GBF1: variants seen among roughly 807,000 people sequenced by gnomAD.
The protein encoded by GBF1 is golgi brefeldin A resistant guanine nucleotide exchange factor 1.
In GBF1, 114 loss-of-function variants were observed where a neutral mutation model predicts 210.5. That is an observed-to-expected ratio of 0.54 (90% CI 0.47 to 0.63). The LOEUF is 0.63. Among genes scored for constraint, GBF1 ranks in the 30% least tolerant of loss-of-function variants. The pLI is 0.00. For missense variants in GBF1, 1,851 were observed against 2,357.7 expected, an observed-to-expected ratio of 0.79 and a Z score of 4.45; for synonymous variants, 850 against 889.2, an observed-to-expected ratio of 0.96 and a Z score of 0.78.
At position 102,380,120 on chromosome 10, in the gene GBF1, A is replaced by G. The variant is rs993236400; in HGVS notation, c.4879-129A>G. On this transcript the variant is annotated intron_variant, in intron 36 of 39. Transcript: ENST00000369983. ...GGACCTGAGAGGATTCTGAATCTTA[A>G]ATCAGAGATTCCTCCATCTCTGATC... 54 of 770,966 alleles carry G rather than the reference A, an allele frequency of 7.0e-5. No individual in the cohort carries two copies. In the African/African-American group the frequency reaches 8.8e-4, roughly 13 times the overall value. 47.8% of individuals were successfully genotyped at this position (770,966 alleles called of 1,614,324 possible).
Position 102,293,764 on chromosome 10 carries a change from G to GTTTTTTTTTTTTTTTTTTTTTTTTTTTTT in GBF1, c.163+33652_163+33653insTTTTTTTTTTTTTTTTTTTTTTTTTTTTT, listed in dbSNP as rs1263151407. On this transcript the variant is annotated intron_variant, in intron 3 of 39. Coordinates refer to ENST00000369983, the MANE Select transcript of GBF1 (RefSeq NM_001377137.1). ...AAAATATTTTGTACAGCTGTAGTAT[G>GTTTTTTTTTTTTTTTTTTTTTTTTTTTTT]TTTTGTGTTTTTTTTTTTTTTTTTT... Among the ~76,000 whole-genome samples, 31 of 50,898 alleles carry GTTTTTTTTTTTTTTTTTTTTTTTTTTTTT rather than the reference G, an allele frequency of 6.1e-4. 13 individuals are homozygous for GTTTTTTTTTTTTTTTTTTTTTTTTTTTTT. The highest frequency in any genetic ancestry group is 2.0e-3 in the South Asian group (2 of 1,020). The allele number at this position is 50,898 out of a possible 152,430, so 33.4% of individuals were successfully genotyped here. A position where few individuals can be genotyped will look rare whatever the true frequency, so the allele number is the denominator to read the frequency against.
At chr10:102,341,126 G>A (rs1014496521) in intron 3 of GBF1, among the ~76,000 whole-genome samples, 2 of 152,150 alleles carry the variant, frequency 1.3e-5, no homozygotes, top group African/African-American at 4.8e-5. Context: ...AAACAATTTA[G>A]TTTAATAATG....
intron 3 of GBF1, among the ~76,000 whole-genome samples, chr10:102,342,038 CTTTTTT>C (rs762320060): frequency 1.2e-4 from 17 of 139,232 alleles, no homozygotes; most frequent in Non-Finnish European, 2.3e-4. Context: ...TTTTTATGTA[CTTTTTT>C]TTTTTTTTTT....
Position 102,344,070 on chromosome 10 carries a change from C to A in GBF1, c.183C>A (p.Pro61=), listed in dbSNP as rs1318256800. 1.2e-6 allele frequency: 2 copies of A among 1,612,236 alleles called. No individual in the cohort carries two copies. Among genetic ancestry groups the A allele is most frequent in the African/African-American group, 2.7e-5 (2 of 74,886 alleles). The change falls in exon 4 of 40, where the codon CCC becomes CCA. Residue 61 remains proline (P), a synonymous_variant. Coordinates refer to ENST00000369983, the MANE Select transcript of GBF1 (RefSeq NM_001377137.1). ...TTGCAGAACTCTCAGAAATTGAGCCCAATGTATTCCTTCGACCTTTTCTGG... is the reference window on the plus strand; with the variant it reads ...TTGCAGAACTCTCAGAAATTGAGCCAAATGTATTCCTTCGACCTTTTCTGG... ...NSITELSEIE[P]NVFLRPFLEV... is the part of the protein sequence containing the mutation.
rs760922974 is a variant in GBF1 at position 102,382,374 on chromosome 10, C to G, written c.*38C>G. 1 of 1,538,878 alleles carries G rather than the reference C, an allele frequency of 6.5e-7. No individual in the cohort carries two copies. Among genetic ancestry groups the G allele is most frequent in the Middle Eastern group, 1.7e-4 (1 of 5,772 alleles). On this transcript the variant is annotated 3_prime_UTR_variant, in exon 40 of 40. Transcript: ENST00000369983. ...AGAGATCAGGACCAGTGCTTCCCAC[C>G]AGGCTTTCCTTGACCCCACTTCTGG... is the stretch of plus-strand genomic sequence containing the variant.
the GBF1 span, among the ~76,000 whole-genome samples, chr10:102,235,297 CT>C: frequency 6.6e-6 from 1 of 151,886 alleles, no homozygotes; most frequent in African/African-American, 2.4e-5. Context: ...CTGGATGCTG[CT>C]GAGTGAGGAG....
chr10:102,297,055 A>G (rs2485377), intron 3 of GBF1, among the ~76,000 whole-genome samples: 59 of 130,496 alleles, frequency 4.5e-4, no homozygotes, highest in Admixed American at 7.3e-4. Flanking sequence ...AAAAAAAAAA[A>G]GGAAAAAAAA....
chr10:102,317,055 G>A (rs2078993425), intron 3 of GBF1, among the ~76,000 whole-genome samples: 1 of 152,148 alleles, frequency 6.6e-6, no homozygotes, highest in South Asian at 2.1e-4. Flanking sequence ...CTAAAACTTA[G>A]TAATAATAGT....
chr10:102,376,489 T>G (rs2060502072), intron 31 of GBF1, 57 bp downstream of exon 31: 3 of 1,611,384 alleles, frequency 1.9e-6, no homozygotes, highest in Non-Finnish European at 2.5e-6. Context: ...TGGGAAGAAT[T>G]CCTGGTCCTC....
chr10:102,283,583 G>A (rs1044661807), intron 3 of GBF1, among the ~76,000 whole-genome samples: 1 of 152,166 alleles, frequency 6.6e-6, no homozygotes, highest in African/African-American at 2.4e-5. Flanking sequence ...CAGCAAAGAT[G>A]TAACAGGTAT....
At chr10:102,237,395 T>A in the GBF1 span, among the ~76,000 whole-genome samples, 2 of 152,100 alleles carry the variant, frequency 1.3e-5, no homozygotes, top group African/African-American at 4.8e-5. Context: ...GGGAGGGCAG[T>A]GGTGAGCCTA....
upstream of GBF1, chr10:102,241,466 G>C (rs1352136853): frequency 2.6e-5 from 4 of 152,516 alleles, no homozygotes; most frequent in African/African-American, 4.8e-5. This position sits in a 1 kb window ranked among gnomAD's most constrained non-coding sequence, Gnocchi z 6.7. Context: ...CTCTCCGCTC[G>C]GGCGCTCCTG....
At chr10:102,342,090 G>A (rs1477807265) in intron 3 of GBF1, among the ~76,000 whole-genome samples, 3 of 148,506 alleles carry the variant, frequency 2.0e-5, no homozygotes, top group Admixed American at 6.8e-5. Flanking sequence ...AGGCTGGAGT[G>A]CAGTGGCGTG....
chr10:102,353,214 A>G (rs2059110635), intron 7 of GBF1, among the ~76,000 whole-genome samples: 1 of 152,086 alleles, frequency 6.6e-6, no homozygotes, highest in African/African-American at 2.4e-5. Context: ...CTGGTTTCAA[A>G]ACTTCAACCT....
At chr10:102,331,964 A>T (rs1450420512) in intron 3 of GBF1, among the ~76,000 whole-genome samples, 1 of 145,546 alleles carries the variant, frequency 6.9e-6, no homozygotes, top group Non-Finnish European at 1.5e-5. Context: ...GGTTCAAGCG[A>T]TTCTTCTGCC....
chr10:102,231,180 T>G, the GBF1 span: 2 of 1,342,022 alleles, frequency 1.5e-6, no homozygotes, highest in Non-Finnish European at 2.0e-6. Flanking sequence ...CGACGGGGCT[T>G]CCAGCCGGGG....
intron 3 of GBF1, among the ~76,000 whole-genome samples, chr10:102,283,759 G>T (rs12779689): frequency 0.13 from 19,410 of 152,218 alleles, 1,489 homozygotes; most frequent in Non-Finnish European, 0.17. Context: ...GGGGAAAAAC[G>T]TGGGAGGATC....
intron 13 of GBF1, 111 bp downstream of exon 13, chr10:102,361,231 A>G (rs1270503627): frequency 1.4e-6 from 1 of 715,466 alleles, no homozygotes; most frequent in Non-Finnish European, 2.6e-6. Flanking sequence ...GGGACTTCCT[A>G]TAGGAGAGTC....
At chr10:102,260,162 T>C (rs368633640) in intron 3 of GBF1, 46 bp downstream of exon 3, 105 of 1,006,668 alleles carry the variant, frequency 1.0e-4, no homozygotes, top group Non-Finnish European at 1.6e-4. Context: ...GTAAAAAATA[T>C]GTGTTTGATT....
Sources: allele counts gnomAD v4.1 joint callset (sites outside exome capture counted in the v4.1 genomes callset), GRCh38; gene constraint gnomAD v4.1.1; non-coding constraint Gnocchi (gnomAD v3.1); transcripts MANE v1.5; gene names NCBI Gene and HGNC (gene_info 2026-07-23, HGNC 2026-07-21).